The following RABEP1 variants were observed in gnomAD, a reference collection of about 807,000 sequenced individuals.
The protein encoded by RABEP1 is rabaptin, RAB GTPase binding effector protein 1.
Under a neutral mutation model 123.4 loss-of-function variants are expected in RABEP1, and 51 were observed. That is an observed-to-expected ratio of 0.41 (90% CI 0.33 to 0.52). RABEP1 has a LOEUF of 0.52. Ranked by LOEUF, RABEP1 falls within the 20% of genes least tolerant of loss-of-function variation. The pLI, the probability that RABEP1 is intolerant of heterozygous loss-of-function variation, is 0.16. For missense variants in RABEP1, 888 were observed against 996.3 expected, an observed-to-expected ratio of 0.89 and a Z score of 1.46; for synonymous variants, 347 against 355.2, an observed-to-expected ratio of 0.98 and a Z score of 0.26.
At chr17:5,380,615 G>A in intron 16 of RABEP1, 153 bp downstream of exon 16, 7 of 696,760 alleles carry the variant, frequency 1.0e-5, no homozygotes, top group Admixed American at 6.2e-5. Flanking sequence ...AAACTTAAAC[G>A]AATTGATCTA....
intron 16 of RABEP1, 193 bp downstream of exon 16, chr17:5,380,655 G>A: frequency 1.6e-6 from 1 of 606,134 alleles, no homozygotes; most frequent in Admixed American, 2.3e-5. Context: ...TTTCTGCCAG[G>A]TCTGGAGGCC....
chr17:5,364,981 TTCTG>T (rs1909888342), intron 10 of RABEP1, 137 bp from the exon 11 acceptor site: 3 of 590,894 alleles, frequency 5.1e-6, no homozygotes, highest in Non-Finnish European at 6.0e-6. Context: ...TTTATCTAAT[TTCTG>T]TCTGAATTAG....
intron 12 of RABEP1, among the ~76,000 whole-genome samples, chr17:5,370,148 A>T (rs1176304818): frequency 6.6e-6 from 1 of 152,220 alleles, no homozygotes; most frequent in African/African-American, 2.4e-5. Context: ...TGTTGAAATT[A>T]CCATAAAGAA....
intron 1 of RABEP1, among the ~76,000 whole-genome samples, chr17:5,308,459 C>T (rs1000949922): frequency 1.3e-5 from 2 of 152,130 alleles, no homozygotes; most frequent in Admixed American, 6.5e-5. Context: ...CTCCTGACCT[C>T]GGGTGATCCG....
intron 2 of RABEP1, among the ~76,000 whole-genome samples, chr17:5,309,270 AAG>A (rs1198232370): frequency 1.3e-5 from 2 of 152,208 alleles, no homozygotes; most frequent in East Asian, 1.9e-4. Context: ...GGTATACAGA[AAG>A]AGGAAAATTC....
intron 2 of RABEP1, among the ~76,000 whole-genome samples, chr17:5,325,316 G>A (rs1448330636): frequency 6.6e-6 from 1 of 151,842 alleles, no homozygotes; most frequent in Non-Finnish European, 1.5e-5. Context: ...CTCCAACCTG[G>A]GCAACAAGAG....
chr17:5,307,083 C>T (rs751475032), intron 1 of RABEP1, among the ~76,000 whole-genome samples: 2 of 152,132 alleles, frequency 1.3e-5, no homozygotes, highest in Non-Finnish European at 2.9e-5. Context: ...CTTTGGGAGG[C>T]CGAGGTGGGT....
Position 5,361,300 on chromosome 17 carries a change from C to T in RABEP1, c.1188C>T (p.Asp396=), listed in dbSNP as rs1343907158. The T allele has an allele frequency of 5.0e-6, 8 of 1,614,170 alleles. No individual in the cohort carries two copies. The highest frequency in any genetic ancestry group is 6.8e-6 in the Non-Finnish European group (8 of 1,180,034). Residue 396 remains aspartate (D), a synonymous_variant, in exon 9 of 18, where the codon GAC becomes GAT. Transcript: ENST00000537505. ...SGDPFSKSDN[D]MFKDGLRRAQ... ...ATCCTTTCAGTAAATCGGACAATGA[C>T]ATGTTTAAAGATGGACTCAGGAGAG...
intron 1 of RABEP1, among the ~76,000 whole-genome samples, chr17:5,292,766 C>G (rs2075045269): frequency 6.6e-6 from 1 of 152,148 alleles, no homozygotes; most frequent in Non-Finnish European, 1.5e-5. Context: ...ATTGCAATCT[C>G]TGCTTTCCGG....
chr17:5,356,454 T>C (rs1909024772), intron 8 of RABEP1: 1 of 163,804 alleles, frequency 6.1e-6, no homozygotes, highest in African/African-American at 2.4e-5. Context: ...CTGATGCTTA[T>C]AATATGCTTT....
At chr17:5,372,337 T>C (rs146408904) in intron 12 of RABEP1, among the ~76,000 whole-genome samples, 276 of 152,150 alleles carry the variant, frequency 1.8e-3, no homozygotes, top group African/African-American at 6.3e-3. Flanking sequence ...CCCAGCTACT[T>C]GGGAGGCTGA....
intron 1 of RABEP1, among the ~76,000 whole-genome samples, chr17:5,288,523 G>A (rs563212058): frequency 2.0e-5 from 3 of 152,124 alleles, no homozygotes; most frequent in South Asian, 4.1e-4. Flanking sequence ...AGCCTCCCAA[G>A]TAGCTGGGAT....
intron 1 of RABEP1, among the ~76,000 whole-genome samples, chr17:5,302,244 ATT>A (rs57770310): frequency 8.4e-6 from 1 of 118,402 alleles, no homozygotes; most frequent in Admixed American, 8.8e-5. Flanking sequence ...TACTGAAAAC[ATT>A]TTTTTTTTTT....
chr17:5,314,717 A>G (rs2075279502), intron 2 of RABEP1, among the ~76,000 whole-genome samples: 1 of 152,036 alleles, frequency 6.6e-6, no homozygotes, highest in African/African-American at 2.4e-5. Context: ...ACGGGGTTTC[A>G]CCGTGTTAGC....
rs2144410839 is a variant in RABEP1, at chr17:5,282,394, C to T, written c.-93C>T. On this transcript the variant is annotated 5_prime_UTR_variant, in exon 1 of 18. Transcript: ENST00000537505. ...TCTCTCTGGGCGGCGGCGGCGGCGGCTCGGTTGACGCCTCCTCCGCCAGCT... is the reference window on the plus strand; with the variant it reads ...TCTCTCTGGGCGGCGGCGGCGGCGGTTCGGTTGACGCCTCCTCCGCCAGCT... 1 of 1,038,594 alleles carries T rather than the reference C, an allele frequency of 9.6e-7. No individual in the cohort carries two copies. The highest frequency in any genetic ancestry group is 1.3e-6 in the Non-Finnish European group (1 of 786,438). The allele number at this position is 1,038,594 out of a possible 1,614,324, so 64.3% of individuals were successfully genotyped here. A position where few individuals can be genotyped will look rare whatever the true frequency, so the allele number is the denominator to read the frequency against.
In RABEP1 at chr17:5,350,445, A is replaced by C. The variant is rs777538729; in HGVS notation, c.785-6A>C. On this transcript the variant is annotated splice_polypyrimidine_tract_variant and splice_region_variant and intron_variant, in intron 6 of 17. Transcript: ENST00000537505. ...TTTGATTTGTGGTGGGGGGGTTCCT[A>C]AACAGTTTGCCATCTCTTGGAGCAA... The C allele has an allele frequency of 6.2e-7, 1 of 1,605,388 alleles. No individual in the cohort carries two copies. Among genetic ancestry groups the C allele is most frequent in the Non-Finnish European group, 8.5e-7 (1 of 1,177,170 alleles).
chr17:5,334,216 TCCCTTTCCCTTC>T (rs977903026), intron 3 of RABEP1, among the ~76,000 whole-genome samples: 1 of 151,694 alleles, frequency 6.6e-6, no homozygotes, highest in African/African-American at 2.4e-5. Flanking sequence ...TTCTTTTTTT[TCCCTTTCCCTTC>T]CCCTTTCCTT....
intron 5 of RABEP1, among the ~76,000 whole-genome samples, chr17:5,342,560 C>T (rs1197433696): frequency 3.3e-5 from 5 of 152,222 alleles, no homozygotes; most frequent in Admixed American, 6.5e-5. Flanking sequence ...GAGCTGAGGT[C>T]GTGCCACTGC....
chr17:5,308,295 G>A (rs896153251), intron 1 of RABEP1, among the ~76,000 whole-genome samples: 1 of 149,458 alleles, frequency 6.7e-6, no homozygotes, highest in East Asian at 2.0e-4. Flanking sequence ...GTGCGATCTC[G>A]GCCCACTGCA....
Sources: gnomAD v4.1 joint callset for allele counts (sites outside exome capture counted in the v4.1 genomes callset) on GRCh38, gnomAD v4.1.1 for gene constraint, MANE v1.5 for transcripts, NCBI Gene and HGNC (gene_info 2026-07-23, HGNC 2026-07-21) for gene names.